The following XYLT1 variants were observed in gnomAD, a reference collection of about 807,000 sequenced individuals.
XYLT1 encodes the protein beta-D-xylosyltransferase 1.
A neutral mutation model predicts 91.3 loss-of-function variants in XYLT1; 36 were observed. The observed-to-expected ratio is 0.39, with a 90% CI of 0.30 to 0.52. XYLT1 has a LOEUF of 0.52. Ranked by LOEUF, XYLT1 falls within the 20% of genes least tolerant of loss-of-function variation. The pLI is 0.68. For synonymous variants in XYLT1, 588 were observed against 532.0 expected (o/e 1.11, Z -1.45); for missense variants, 1,242 against 1,284.5 (o/e 0.97, Z 0.51).
intron 1 of XYLT1, among the ~76,000 whole-genome samples, chr16:17,454,538 ATT>A (rs67567053): frequency 0.1 from 14,661 of 145,218 alleles, 870 homozygotes; most frequent in Non-Finnish European, 0.15. Flanking sequence ...TATGATCGCA[ATT>A]TTTTTTTTTT....
In XYLT1 at chr16:17,259,315, T is replaced by C. The variant is rs760259813; in HGVS notation, c.586A>G (p.Lys196Glu). 3.1e-6 allele frequency: 5 copies of C among 1,614,020 alleles called. No homozygotes were observed. Among genetic ancestry groups the C allele is most frequent in the South Asian group, 1.1e-5 (1 of 91,082 alleles). The change falls in exon 3 of 12, where the codon AAG (lysine) becomes GAG (glutamate). Residue 196 changes from lysine (K) to glutamate (E), a missense_variant. Transcript: ENST00000261381. ...PSRQKELLKR[K>E]LEQQEKGKGH... ...TTTCCTTTCTCCTGCTGTTCCAGCTTCCTTTTCAAAAGCTCCTTCTGTCTA... is the reference window on the plus strand; with the variant it reads ...TTTCCTTTCTCCTGCTGTTCCAGCTCCCTTTTCAAAAGCTCCTTCTGTCTA...
At chr16:17,337,781 C>CTT (rs10675523) in intron 2 of XYLT1, among the ~76,000 whole-genome samples, 18 of 124,456 alleles carry the variant, frequency 1.4e-4, no homozygotes, top group Admixed American at 1.7e-4. Context: ...TTTTCTTTTT[C>CTT]TTTTTTTTTT....
chr16:17,422,449 T>C (rs1302496435), intron 1 of XYLT1, among the ~76,000 whole-genome samples: 2 of 152,124 alleles, frequency 1.3e-5, no homozygotes, highest in Non-Finnish European at 2.9e-5. Context: ...TCCTCCCACT[T>C]TGGTCTCTCA....
intron 2 of XYLT1, among the ~76,000 whole-genome samples, chr16:17,262,362 T>G (rs1383591842): frequency 6.6e-6 from 1 of 152,218 alleles, no homozygotes; most frequent in Non-Finnish European, 1.5e-5. Context: ...CAAATTCATG[T>G]TGGGGAGGCA....
At chr16:17,119,961 A>C (rs1307095375) in intron 10 of XYLT1, among the ~76,000 whole-genome samples, 1 of 152,146 alleles carries the variant, frequency 6.6e-6, no homozygotes, top group Non-Finnish European at 1.5e-5. Context: ...TCTTGCTTTC[A>C]GTTTTCATCA....
intron 5 of XYLT1, 69 bp downstream of exon 5, chr16:17,198,143 A>T: frequency 1.3e-6 from 2 of 1,547,834 alleles, no homozygotes; most frequent in Non-Finnish European, 8.9e-7. Context: ...CTGCCTCGTG[A>T]GTTCCCAGCC....
chr16:17,310,036 T>G (rs573449502), intron 2 of XYLT1, among the ~76,000 whole-genome samples: 31 of 152,128 alleles, frequency 2.0e-4, no homozygotes, highest in Admixed American at 6.5e-5. Flanking sequence ...AAAGATGGGA[T>G]CAGATTGAAA....
chr16:17,144,213 A>G (rs2031071314), intron 6 of XYLT1, among the ~76,000 whole-genome samples: 1 of 152,246 alleles, frequency 6.6e-6, no homozygotes, highest in African/African-American at 2.4e-5. Context: ...TGCCTGGCAC[A>G]CAGTAAGTGC....
At position 17,344,412 on chromosome 16, in the gene XYLT1, G is replaced by A. The variant is rs190352653; in HGVS notation, c.402+13600C>T. 8.2e-3 allele frequency among the ~76,000 whole-genome samples: 1,223 copies of A among 149,398 alleles called. 7 individuals are homozygous for A. The highest frequency in any genetic ancestry group is 0.012 in the Non-Finnish European group (827 of 67,620). ...GGAGGCTGAGGCAGGAGAATGGCAC[G>A]AACCCGGGAGGTGGAGCTTGCAGTG... On this transcript the variant is annotated intron_variant, in intron 2 of 11. Transcript: ENST00000261381.
chr16:17,266,770 C>T (rs554726244), intron 2 of XYLT1, among the ~76,000 whole-genome samples: 1 of 152,324 alleles, frequency 6.6e-6, no homozygotes, highest in South Asian at 2.1e-4. Context: ...TCCGAGGCTT[C>T]GTTCCAATCA....
intron 1 of XYLT1, among the ~76,000 whole-genome samples, chr16:17,369,011 C>G (rs2035491120): frequency 6.7e-6 from 1 of 149,932 alleles, no homozygotes; most frequent in African/African-American, 2.5e-5. Flanking sequence ...TTGAAAGCCA[C>G]AGAGCCAGGC....
At chr16:17,145,955 G>A (rs1489958525) in intron 6 of XYLT1, among the ~76,000 whole-genome samples, 1 of 152,174 alleles carries the variant, frequency 6.6e-6, no homozygotes, top group East Asian at 1.9e-4. Context: ...AACACACTTT[G>A]GCTCTGGACT....
At chr16:17,181,285 T>G (rs1425865910) in intron 5 of XYLT1, among the ~76,000 whole-genome samples, 1 of 152,128 alleles carries the variant, frequency 6.6e-6, no homozygotes, top group East Asian at 1.9e-4. Context: ...ACGATCAGAC[T>G]TCCTCAAAGG....
chr16:17,395,086 G>A (rs1226970477), intron 1 of XYLT1, among the ~76,000 whole-genome samples: 3 of 152,166 alleles, frequency 2.0e-5, no homozygotes, highest in East Asian at 1.9e-4. Flanking sequence ...ACTTACAATC[G>A]TGGCAGAAGA....
At chr16:17,326,091 C>A (rs1461865655) in intron 2 of XYLT1, among the ~76,000 whole-genome samples, 2 of 152,162 alleles carry the variant, frequency 1.3e-5, no homozygotes, top group East Asian at 1.9e-4. Context: ...ACTCGTGACA[C>A]CATCACCACA....
rs564232522 is a variant in XYLT1, at chr16:17,210,124, G to C, written c.914-9470C>G. ...GCTCAGGCTGGTCTCAAACTCATGA[G>C]CTCAAATGATCCTCCCTCTTCAGCC... On this transcript the variant is annotated intron_variant, in intron 3 of 11. Transcript: ENST00000261381. Among the ~76,000 whole-genome samples, 9 of 152,286 alleles carry C rather than the reference G, an allele frequency of 5.9e-5. No individual in the cohort carries two copies. In the East Asian group the frequency reaches 1.6e-3, roughly 26 times the overall value.
intron 7 of XYLT1, among the ~76,000 whole-genome samples, chr16:17,139,739 A>AT (rs1555481824): frequency 1.3e-5 from 2 of 152,260 alleles, no homozygotes; most frequent in Non-Finnish European, 2.9e-5. Context: ...TCCCTGCAAT[A>AT]TAATGGATGA....
chr16:17,415,700 GA>G (rs920073127), intron 1 of XYLT1, among the ~76,000 whole-genome samples: 1 of 150,316 alleles, frequency 6.7e-6, no homozygotes, highest in Admixed American at 6.6e-5. Flanking sequence ...TCAAAAAAAG[GA>G]AAAAAAAACC....
At chr16:17,446,973 G>A (rs2036599218) in intron 1 of XYLT1, among the ~76,000 whole-genome samples, 1 of 151,812 alleles carries the variant, frequency 6.6e-6, no homozygotes, top group Non-Finnish European at 1.5e-5. Flanking sequence ...TCTCATCCCT[G>A]TCTACTCTCC....
Sources: allele counts gnomAD v4.1 joint callset (sites outside exome capture counted in the v4.1 genomes callset), GRCh38; gene constraint gnomAD v4.1.1; transcripts MANE v1.5; gene names NCBI Gene and HGNC (gene_info 2026-07-23, HGNC 2026-07-21).